KIAA0825: variants seen among roughly 807,000 people sequenced by gnomAD.
KIAA0825 encodes uncharacterized protein KIAA0825.
Under a neutral mutation model 147.6 loss-of-function variants are expected in KIAA0825, and 119 were observed. That is an observed-to-expected ratio of 0.81 (90% confidence interval 0.69 to 0.94). The LOEUF is 0.94. Among genes scored for constraint, KIAA0825 ranks in the 40% least tolerant of loss-of-function variants. KIAA0825 has a pLI of 0.00. For synonymous variants in KIAA0825, 470 were observed against 518.1 expected (o/e 0.91, Z 1.26); for missense variants, 1,381 against 1,472.7 (o/e 0.94, Z 1.02).
At chr5:94,470,653 C>T (rs1199923378) in intron 9 of KIAA0825, among the ~76,000 whole-genome samples, 1 of 152,204 alleles carries the variant, frequency 6.6e-6, no homozygotes, top group East Asian at 1.9e-4. Context: ...TGAATCACAA[C>T]ATCTGACTAC....
At chr5:94,274,695 A>G (rs1358241607) in intron 20 of KIAA0825, among the ~76,000 whole-genome samples, 1 of 152,160 alleles carries the variant, frequency 6.6e-6, no homozygotes, top group Admixed American at 6.6e-5. Context: ...CTCATTAGCT[A>G]AGATAACAAA....
chr5:94,189,613 A>C (rs1410733506), intron 20 of KIAA0825, among the ~76,000 whole-genome samples: 1 of 152,116 alleles, frequency 6.6e-6, no homozygotes, highest in Non-Finnish European at 1.5e-5. Flanking sequence ...TAGACTCTTT[A>C]TTAAGATTCA....
Position 94,394,040 on chromosome 5 carries a change from C to T in KIAA0825, c.3296+2061G>A, listed in dbSNP as rs543625310. ...TTTTTTTTTGTATTTTTTGTAGAGA[C>T]GGGGTTTCATCATATCAGTCAGGCT... On this transcript the variant is annotated intron_variant, in intron 17 of 20. Transcript: ENST00000682413. Among the ~76,000 whole-genome samples, 5 of 151,410 alleles carry T rather than the reference C, an allele frequency of 3.3e-5. No homozygotes were observed. In the South Asian group the frequency reaches 6.3e-4, roughly 19 times the overall value.
At chr5:94,371,963 C>T (rs531362677) in intron 20 of KIAA0825, among the ~76,000 whole-genome samples, 2 of 152,310 alleles carry the variant, frequency 1.3e-5, no homozygotes, top group African/African-American at 4.8e-5. Context: ...GGTAAATACA[C>T]CTGTTCCAAA....
At chr5:94,545,008 G>A (rs553715740) in intron 2 of KIAA0825, among the ~76,000 whole-genome samples, 1 of 151,884 alleles carries the variant, frequency 6.6e-6, no homozygotes, top group African/African-American at 2.4e-5. Flanking sequence ...CAACCACATA[G>A]TGTGGAAAGA....
At chr5:94,210,898 A>C (rs946036165) in intron 20 of KIAA0825, among the ~76,000 whole-genome samples, 2 of 152,238 alleles carry the variant, frequency 1.3e-5, no homozygotes, top group African/African-American at 4.8e-5. Flanking sequence ...ACAAAGATGT[A>C]GTGTACAAGT....
At chr5:94,472,399 A>T (rs1761312032) in intron 8 of KIAA0825, among the ~76,000 whole-genome samples, 1 of 152,124 alleles carries the variant, frequency 6.6e-6, no homozygotes, top group African/African-American at 2.4e-5. Context: ...TGTTCTGGAG[A>T]CTTAGAGTGA....
intron 20 of KIAA0825, among the ~76,000 whole-genome samples, chr5:94,291,085 C>T (rs1358270217): frequency 6.6e-6 from 1 of 152,050 alleles, no homozygotes; most frequent in Non-Finnish European, 1.5e-5. Context: ...CTGTAGGTTG[C>T]CTGTTCACTC....
chr5:94,162,271 G>A (rs1271627334), intron 20 of KIAA0825, among the ~76,000 whole-genome samples: 5 of 152,214 alleles, frequency 3.3e-5, no homozygotes, highest in Middle Eastern at 3.4e-3. Context: ...TCCAGGGAAC[G>A]CAATTGGAAG....
chr5:94,204,096 A>C (rs564154436), intron 20 of KIAA0825, among the ~76,000 whole-genome samples: 2 of 152,322 alleles, frequency 1.3e-5, no homozygotes, highest in African/African-American at 4.8e-5. Flanking sequence ...AACAGATTAC[A>C]AAATCTAGGC....
intron 20 of KIAA0825, among the ~76,000 whole-genome samples, chr5:94,192,972 G>A (rs1362695068): frequency 6.6e-6 from 1 of 152,138 alleles, no homozygotes; most frequent in Middle Eastern, 3.4e-3. Context: ...CTTCATTTTT[G>A]CAGTGATCAA....
chr5:94,546,791 CCAAAAA>C (rs1774476896), intron 2 of KIAA0825, among the ~76,000 whole-genome samples: 1 of 90,962 alleles, frequency 1.1e-5, no homozygotes. Context: ...TGTCCAGGCA[CCAAAAA>C]AAAAAAAAAA....
At chr5:94,204,621 T>C (rs1771986171) in intron 20 of KIAA0825, among the ~76,000 whole-genome samples, 1 of 152,228 alleles carries the variant, frequency 6.6e-6, no homozygotes, top group African/African-American at 2.4e-5. Context: ...GCATCTTGCA[T>C]AAGCTGATTG....
chr5:94,593,430 C>T, intron 1 of KIAA0825: 1 of 760,880 alleles, frequency 1.3e-6, no homozygotes, highest in Non-Finnish European at 2.3e-6. Context: ...TTGTTTTTGA[C>T]ACCACAGATT....
At chr5:94,374,973 C>T (rs255178) in intron 20 of KIAA0825, among the ~76,000 whole-genome samples, 16,752 of 151,806 alleles carry the variant, frequency 0.11, 1,194 homozygotes, top group East Asian at 0.18. Context: ...ATCTGGATCA[C>T]GCTGTCTCCA....
intron 20 of KIAA0825, among the ~76,000 whole-genome samples, chr5:94,210,137 G>A (rs1281790545): frequency 2.0e-5 from 3 of 152,128 alleles, no homozygotes; most frequent in African/African-American, 7.2e-5. Context: ...GATTATGACC[G>A]AACGCACTGC....
intron 12 of KIAA0825, among the ~76,000 whole-genome samples, chr5:94,461,668 G>A (rs191237145): frequency 3.2e-4 from 48 of 151,802 alleles, no homozygotes; most frequent in Admixed American, 1.6e-3. Flanking sequence ...TTTGTATGTC[G>A]CTTTTACCAG....
chr5:94,489,585 A>C (rs941843049), intron 5 of KIAA0825, among the ~76,000 whole-genome samples: 28 of 151,772 alleles, frequency 1.8e-4, no homozygotes, highest in Non-Finnish European at 3.4e-4. Context: ...AAAAAAAAAA[A>C]AACAAACTCC....
At chr5:94,593,676 T>C (rs1170176455) in intron 1 of KIAA0825, 1 of 407,898 alleles carries the variant, frequency 2.5e-6, no homozygotes, top group South Asian at 2.6e-5. Context: ...GAAATTCATG[T>C]CTGATTAAAA....
Sources: gnomAD v4.1 joint callset for allele counts (sites outside exome capture counted in the v4.1 genomes callset) on GRCh38, gnomAD v4.1.1 for gene constraint, MANE v1.5 for transcripts, NCBI Gene and HGNC (gene_info 2026-07-23, HGNC 2026-07-21) for gene names.